FBXO24: variants seen among roughly 807,000 people sequenced by gnomAD.
The protein encoded by FBXO24 is F-box only protein 24.
Under a neutral mutation model 63.5 loss-of-function variants are expected in FBXO24, and 30 were observed. The observed-to-expected ratio is 0.47, with a 90% CI of 0.35 to 0.64. The LOEUF is 0.64. FBXO24 is among the 30% of genes least tolerant of loss of function. FBXO24 has a pLI of 0.00. For missense variants in FBXO24, 624 were observed against 763.4 expected, an observed-to-expected ratio of 0.82 and a Z score of 2.15; for synonymous variants, 300 against 305.0, an observed-to-expected ratio of 0.98 and a Z score of 0.17.
In FBXO24 at chr7:100,600,581, C is replaced by T. The variant is rs1454047704; in HGVS notation, c.1425C>T (p.Tyr475=). 1 of 1,603,422 alleles carries T rather than the reference C, an allele frequency of 6.2e-7. No individual in the cohort carries two copies. The highest frequency in any genetic ancestry group is 1.7e-5 in the Admixed American group (1 of 59,326). Residue 475 remains tyrosine, a synonymous_variant, in exon 10 of 10, where the codon TAC becomes TAT. Coordinates refer to ENST00000241071, the MANE Select transcript of FBXO24 (RefSeq NM_033506.3). This position sits in a 1 kb window ranked among gnomAD's most constrained non-coding sequence, Gnocchi z 6.3. ...CALCATRECL[Y]ILSSHDIEQH... is the part of the protein sequence containing the mutation. ...TCTGTGCCACCAGGGAGTGCCTATA[C>T]ATCCTGTCCAGCCACGACATTGAGC...
At chr7:100,595,833 G>A (rs1802280618) in intron 8 of FBXO24, 127 bp downstream of exon 8, 3 of 1,307,572 alleles carry the variant, frequency 2.3e-6, no homozygotes, top group East Asian at 2.4e-5. Context: ...AAGCCACTCA[G>A]TATGTAATGC....
intron 7 of FBXO24, 117 bp downstream of exon 7, chr7:100,595,340 G>T: frequency 1.3e-6 from 2 of 1,546,618 alleles, no homozygotes; most frequent in Non-Finnish European, 1.8e-6. Flanking sequence ...CCCAGGGAGA[G>T]GTATGCCAAA....
In FBXO24 at chr7:100,594,480, C is replaced by T. The variant is rs1442412526; in HGVS notation, c.891C>T (p.Tyr297=). The part of the protein sequence containing the change: ...VQLALRKVSH[Y]LPHLRVACMT... ...TGGCCCTGAGGAAGGTGTCCCACTA[C>T]CTGCCTCACCTGCGCGTGGCCTGCA... The change falls in exon 6 of 10, where the codon TAC becomes TAT. Residue 297 remains tyrosine, a synonymous_variant. Coordinates refer to ENST00000241071, the MANE Select transcript of FBXO24 (RefSeq NM_033506.3). The surrounding 1 kb of genome is among the most constrained non-coding windows in gnomAD (Gnocchi z 4.2). The T allele has an allele frequency of 8.1e-6, 13 of 1,613,572 alleles. No homozygotes were observed. The highest frequency in any genetic ancestry group is 3.3e-4 in the Middle Eastern group (2 of 6,036).
At position 100,594,690 on chromosome 7, in the gene FBXO24, C is replaced by A; in HGVS notation, c.952+149C>A. 1.1e-6 allele frequency: 1 copy of A among 950,190 alleles called. No homozygotes were observed. The highest frequency in any genetic ancestry group is 1.5e-6 in the Non-Finnish European group (1 of 679,238). 58.9% of individuals were successfully genotyped at this position (950,190 alleles called of 1,614,324 possible). A position where few individuals can be genotyped will look rare whatever the true frequency, so the allele number is the denominator to read the frequency against. Reference sequence around the variant, plus strand: ...TTTAGGGCCGGCATGGTGACTCATGCCTGTAATCCCATCACTTTGGGAAAC... The same window carrying A: ...TTTAGGGCCGGCATGGTGACTCATGACTGTAATCCCATCACTTTGGGAAAC... On this transcript the variant is annotated intron_variant, in intron 6 of 9. Transcript: ENST00000241071. The surrounding 1 kb of genome is among the most constrained non-coding windows in gnomAD (Gnocchi z 4.2).
At chr7:100,590,419 T>C in intron 3 of FBXO24, 62 bp downstream of exon 3, 2 of 1,528,710 alleles carry the variant, frequency 1.3e-6, no homozygotes, top group East Asian at 4.6e-5. Flanking sequence ...CTTCCTGCTC[T>C]CTAAAGTCCC....
At position 100,594,465 on chromosome 7, in the gene FBXO24, G is replaced by A; in HGVS notation, c.876G>A (p.Arg292=). The change falls in exon 6 of 10, where the codon AGG becomes AGA. Residue 292 remains arginine (R), a synonymous_variant. Transcript: ENST00000241071. This position sits in a 1 kb window ranked among gnomAD's most constrained non-coding sequence, Gnocchi z 4.2. ...CCTACACGGTTCAGCTGGCCCTGAGGAAGGTGTCCCACTACCTGCCTCACC... is the reference window on the plus strand; with the variant it reads ...CCTACACGGTTCAGCTGGCCCTGAGAAAGGTGTCCCACTACCTGCCTCACC... ...PRSYTVQLAL[R]KVSHYLPHLR... is the part of the protein sequence containing the mutation. 1 of 1,613,728 alleles carries A rather than the reference G, an allele frequency of 6.2e-7. No individual in the cohort carries two copies. Among genetic ancestry groups the A allele is most frequent in the Non-Finnish European group, 8.5e-7 (1 of 1,179,800 alleles).
Position 100,591,601 on chromosome 7 carries a change from A to G in FBXO24, c.323-66A>G, listed in dbSNP as rs1802029645. 2.7e-6 allele frequency: 4 copies of G among 1,491,666 alleles called. No homozygotes were observed. The South Asian group carries it at 4.6e-5, about 17-fold the overall frequency. The allele number at this position is 1,491,666 out of a possible 1,614,324, so 92.4% of individuals were successfully genotyped here. On this transcript the variant is annotated intron_variant, in intron 3 of 9. Transcript: ENST00000241071. ...ACCAGCGTGTCTAAGAAATCTACCC[A>G]AGCTCCAACTCATCTCCCTCGTGTC...
At chr7:100,595,315 GA>G in intron 7 of FBXO24, 92 bp downstream of exon 7, 1 of 1,586,574 alleles carries the variant, frequency 6.3e-7, no homozygotes, top group Non-Finnish European at 8.6e-7. Context: ...TATTGATCCA[GA>G]GGGGCAGGGG....
chr7:100,589,720 G>T, intron 1 of FBXO24: 1 of 1,547,900 alleles, frequency 6.5e-7, no homozygotes, highest in South Asian at 1.2e-5. Flanking sequence ...GGGGCAATCA[G>T]GATGGTCAGG....
chr7:100,589,860 G>C, intron 1 of FBXO24, 117 bp from the exon 2 acceptor site: 1 of 1,545,762 alleles, frequency 6.5e-7, no homozygotes, highest in Non-Finnish European at 8.7e-7. Context: ...GGTCTGGAGA[G>C]AGAGGGGAGG....
At chr7:100,599,700 G>A (rs1295615078) in intron 8 of FBXO24, 4 of 276,462 alleles carry the variant, frequency 1.4e-5, no homozygotes, top group South Asian at 1.4e-4. Context: ...AAGTCTCCCC[G>A]AGGCTGGCAG....
At chr7:100,593,316 G>A (rs894688570) in intron 5 of FBXO24, among the ~76,000 whole-genome samples, 1 of 152,052 alleles carries the variant, frequency 6.6e-6, no homozygotes, top group South Asian at 2.1e-4. Flanking sequence ...CCAACATGGC[G>A]AAACCCCATC....
At chr7:100,596,403 T>A (rs1802311734) in intron 8 of FBXO24, among the ~76,000 whole-genome samples, 1 of 152,074 alleles carries the variant, frequency 6.6e-6, no homozygotes, top group African/African-American at 2.4e-5. Context: ...CCTGGGACAG[T>A]GACAAGACGG....
At position 100,600,921 on chromosome 7, in the gene FBXO24, C is replaced by G; in HGVS notation, c.*22C>G. ...CTAATCCCCCTCATGCTAGCCTAGT[C>G]CCTGGAGGAGGGAGTCCGGCCCCAG... On this transcript the variant is annotated 3_prime_UTR_variant, in exon 10 of 10. Transcript: ENST00000241071. The surrounding 1 kb of genome is among the most constrained non-coding windows in gnomAD (Gnocchi z 6.3). The G allele has an allele frequency of 2.5e-6, 4 of 1,601,044 alleles. No homozygotes were observed. Among genetic ancestry groups the G allele is most frequent in the Non-Finnish European group, 3.4e-6 (4 of 1,173,660 alleles).
intron 8 of FBXO24, among the ~76,000 whole-genome samples, chr7:100,598,456 C>T (rs1802414488): frequency 6.6e-6 from 1 of 152,040 alleles, no homozygotes; most frequent in South Asian, 2.1e-4. Context: ...GGCCAAGTGC[C>T]TCTAGAGAGA....
At chr7:100,592,474 G>C (rs953549164) in intron 4 of FBXO24, among the ~76,000 whole-genome samples, 1 of 152,122 alleles carries the variant, frequency 6.6e-6, no homozygotes, top group Non-Finnish European at 1.5e-5. Context: ...CCACTATCAC[G>C]AAAACAACAT....
At chr7:100,592,248 A>T (rs1439149857) in intron 4 of FBXO24, 2 of 260,436 alleles carry the variant, frequency 7.7e-6, no homozygotes, top group Middle Eastern at 1.4e-3. Flanking sequence ...AACAAGAGGG[A>T]GACTCCGTCT....
Position 100,594,014 on chromosome 7 carries a change from C to G in FBXO24, c.794-369C>G, listed in dbSNP as rs1294247844. Among the ~76,000 whole-genome samples, 1 of 151,948 alleles carries G rather than the reference C, an allele frequency of 6.6e-6. No homozygotes were observed. Among genetic ancestry groups the G allele is most frequent in the Non-Finnish European group, 1.5e-5 (1 of 67,950 alleles). ...GTTGCCCAGGCTGGTCTCGAACTCC[C>G]TGCCTCAAGTGATCCTCCTGCCTTG... On this transcript the variant is annotated intron_variant, in intron 5 of 9. Transcript: ENST00000241071. This position sits in a 1 kb window ranked among gnomAD's most constrained non-coding sequence, Gnocchi z 4.2.
At position 100,600,446 on chromosome 7, in the gene FBXO24, A is replaced by G; in HGVS notation, c.1378-88A>G. ...CTCAGGGCTGGTGTGAGAGGGAAGA[A>G]TGCAATAGGCAGATTAGCCCGGGCA... is the stretch of plus-strand genomic sequence containing the variant. On this transcript the variant is annotated intron_variant, in intron 9 of 9. Coordinates refer to ENST00000241071, the MANE Select transcript of FBXO24 (RefSeq NM_033506.3). This position sits in a 1 kb window ranked among gnomAD's most constrained non-coding sequence, Gnocchi z 6.3. The G allele has an allele frequency of 6.6e-7, 1 of 1,515,772 alleles. No individual in the cohort carries two copies. Among genetic ancestry groups the G allele is most frequent in the South Asian group, 1.3e-5 (1 of 74,784 alleles). The allele number at this position is 1,515,772 out of a possible 1,614,324, so 93.9% of individuals were successfully genotyped here.
Sources: gnomAD v4.1 joint callset for allele counts (sites outside exome capture counted in the v4.1 genomes callset) on GRCh38, gnomAD v4.1.1 for gene constraint, Gnocchi (gnomAD v3.1) non-coding constraint, MANE v1.5 for transcripts, NCBI Gene and HGNC (gene_info 2026-07-23, HGNC 2026-07-21) for gene names.